ZBTB40: variants seen among roughly 807,000 people sequenced by gnomAD.
ZBTB40 encodes the protein zinc finger and BTB domain containing 40.
Under a neutral mutation model 117.5 loss-of-function variants are expected in ZBTB40, and 60 were observed. That is an observed-to-expected ratio of 0.51 (90% CI 0.41 to 0.63). The LOEUF (loss-of-function observed/expected upper bound fraction) is 0.63, where lower values mean the gene tolerates loss of function less well. Among genes scored for constraint, ZBTB40 ranks in the 30% least tolerant of loss-of-function variants. The pLI, the probability that ZBTB40 is intolerant of heterozygous loss-of-function variation, is 0.00. For missense variants in ZBTB40, 1,287 were observed against 1,498.5 expected, an observed-to-expected ratio of 0.86 and a Z score of 2.33; for synonymous variants, 525 against 577.1, an observed-to-expected ratio of 0.91 and a Z score of 1.29.
chr1:22,443,515 G>A (rs907818662), intron 1 of ZBTB40, among the ~76,000 whole-genome samples: 1 of 152,230 alleles, frequency 6.6e-6, no homozygotes. Context: ...AGAAATGCTT[G>A]AGTTAAGATA....
intron 2 of ZBTB40, among the ~76,000 whole-genome samples, 187 bp from the exon 3 acceptor site, chr1:22,491,213 C>G (rs1638622168): frequency 1.3e-5 from 2 of 152,156 alleles, no homozygotes; most frequent in African/African-American, 4.8e-5. Context: ...GCTATTTTAA[C>G]CAGGCTGAGG....
chr1:22,430,117 A>G (rs576697534), intron 1 of ZBTB40, among the ~76,000 whole-genome samples: 1 of 152,370 alleles, frequency 6.6e-6, no homozygotes, highest in Admixed American at 6.5e-5. Context: ...ATCTATTAAA[A>G]CATTGTAATT....
In ZBTB40 at chr1:22,508,015, G is replaced by A. The variant is rs751677193; in HGVS notation, c.1375G>A (p.Asp459Asn). The change falls in exon 7 of 18, where the codon GAT (aspartate) becomes AAT (asparagine). Residue 459 changes from aspartate (D) to asparagine (N), a missense_variant. Asp to Asn is a conservative substitution (Grantham distance 23). This residue lies in a region of ZBTB40 where 870 missense variants were observed against 934.4 expected (regional missense o/e 0.93). Transcript: ENST00000375647. Reference protein sequence around the residue: ...LPSTTVQPSPDDYGTELLRRY... With the variant: ...LPSTTVQPSPNDYGTELLRRY... ...TATCCTTACAGTCCAACCAAGCCCTGATGATTATGGGACTGAGCTATTGAG... is the reference window on the plus strand; with the variant it reads ...TATCCTTACAGTCCAACCAAGCCCTAATGATTATGGGACTGAGCTATTGAG... The A allele has an allele frequency of 1.9e-6, 3 of 1,614,002 alleles. No individual in the cohort carries two copies. Among genetic ancestry groups the A allele is most frequent in the Non-Finnish European group, 2.5e-6 (3 of 1,180,050 alleles).
intron 3 of ZBTB40, among the ~76,000 whole-genome samples, chr1:22,492,818 C>T (rs115505107): frequency 6.6e-6 from 1 of 152,316 alleles, no homozygotes; most frequent in African/African-American, 2.4e-5. Context: ...ACTCTTTGTA[C>T]TGATTATGCT....
chr1:22,522,164 A>G (rs1267052937), intron 15 of ZBTB40, among the ~76,000 whole-genome samples: 3 of 152,172 alleles, frequency 2.0e-5, no homozygotes, highest in African/African-American at 7.2e-5. Flanking sequence ...CATTCTCACA[A>G]CATCCCTCTG....
chr1:22,529,373 G>T lies in ZBTB40; in HGVS notation c.*2977G>T, dbSNP rs2235884. 6.6e-6 allele frequency: 1 copy of T among 152,324 alleles called. No individual in the cohort carries two copies. The highest frequency in any genetic ancestry group is 1.5e-5 in the Non-Finnish European group (1 of 68,122). The allele number at this position is 152,324 out of a possible 1,614,324, so 9.4% of individuals were successfully genotyped here. ...TGGAACACATGGATCTGTTCGGTGGGTCCCCAGACCTCTGCTCCCAGAGCT... is the reference window on the plus strand; with the variant it reads ...TGGAACACATGGATCTGTTCGGTGGTTCCCCAGACCTCTGCTCCCAGAGCT... On this transcript the variant is annotated 3_prime_UTR_variant, in exon 18 of 18. Transcript: ENST00000375647.
chr1:22,489,080 G>C (rs1638552229), intron 1 of ZBTB40, among the ~76,000 whole-genome samples: 1 of 152,206 alleles, frequency 6.6e-6, no homozygotes, highest in Non-Finnish European at 1.5e-5. Flanking sequence ...TGGCAGGAGA[G>C]TTTTGGATAT....
intron 1 of ZBTB40, among the ~76,000 whole-genome samples, chr1:22,465,437 T>C (rs1436030079): frequency 6.6e-6 from 1 of 151,878 alleles, no homozygotes; most frequent in Non-Finnish European, 1.5e-5. Flanking sequence ...GGCCCATGGG[T>C]GGCCATGGGC....
intron 1 of ZBTB40, among the ~76,000 whole-genome samples, chr1:22,444,169 T>G (rs1640763059): frequency 6.6e-6 from 1 of 152,148 alleles, no homozygotes; most frequent in Non-Finnish European, 1.5e-5. Context: ...TCCCAGCACT[T>G]TGGGAGGCCA....
At chr1:22,501,456 C>T (rs370127799) in intron 3 of ZBTB40, 36 bp from the exon 4 acceptor site, 170 of 1,611,444 alleles carry the variant, frequency 1.1e-4, no homozygotes, top group Middle Eastern at 1.7e-4. Flanking sequence ...TCTTGTGGTT[C>T]GCTAATCTAT....
chr1:22,435,470 ATCTC>A (rs144016060), intron 1 of ZBTB40, among the ~76,000 whole-genome samples: 3 of 149,574 alleles, frequency 2.0e-5, no homozygotes, highest in Non-Finnish European at 3.0e-5. Context: ...CTTCCCCCAC[ATCTC>A]TCTCTCTCTC....
chr1:22,500,029 A>G lies in ZBTB40; in HGVS notation c.832-1463A>G, dbSNP rs540862436. ...TATAATCTTGACACTAAAAAACATC[A>G]AAGGTAGATTGTAGTTTTGTCAAGT... On this transcript the variant is annotated intron_variant, in intron 3 of 17. Coordinates refer to ENST00000375647, the MANE Select transcript of ZBTB40 (RefSeq NM_014870.4). Among the ~76,000 whole-genome samples the G allele has an allele frequency of 7.5e-4, 114 of 152,332 alleles. 1 individual carries two copies. Among genetic ancestry groups the G allele is most frequent in the African/African-American group, 2.6e-3 (110 of 41,572 alleles).
Position 22,513,399 on chromosome 1 carries a change from T to C in ZBTB40, c.2668+269T>C, listed in dbSNP as rs757645085. On this transcript the variant is annotated intron_variant, in intron 12 of 17. Transcript: ENST00000375647. The surrounding 1 kb of genome is among the most constrained non-coding windows in gnomAD (Gnocchi z 4.9). The stretch of plus-strand genomic sequence containing the variant: ...TGCATGCCTGCAGCACAACATCACA[T>C]GTACCTTGTGAATATATACACCTAC... Among the ~76,000 whole-genome samples the C allele has an allele frequency of 2.6e-5, 4 of 152,028 alleles. No individual in the cohort carries two copies. Among genetic ancestry groups the C allele is most frequent in the African/African-American group, 7.2e-5 (3 of 41,400 alleles).
At chr1:22,522,490 A>C (rs768113598) in intron 16 of ZBTB40, 27 bp downstream of exon 16, 2 of 1,611,528 alleles carry the variant, frequency 1.2e-6, no homozygotes, top group Non-Finnish European at 1.7e-6. Context: ...GCATACTTCT[A>C]GGCTAGACTC....
chr1:22,481,781 T>C (rs2124418888), intron 1 of ZBTB40, among the ~76,000 whole-genome samples: 1 of 131,738 alleles, frequency 7.6e-6, no homozygotes, highest in East Asian at 2.1e-4. Context: ...TTATGTCTTG[T>C]TTTACCAAAA....
chr1:22,524,357 C>T lies in ZBTB40; in HGVS notation c.3438C>T (p.Ser1146=), dbSNP rs1314341343. ...AGCTCTGTGGGGAACTCTTCACCTC[C>T]CAGGCCCAGCTTGACAGTCACCTGG... The part of the protein sequence containing the change: ...PCELCGELFT[S]QAQLDSHLES... Residue 1146 remains serine (S), a synonymous_variant, in exon 17 of 18, where the codon TCC becomes TCT. Coordinates refer to ENST00000375647, the MANE Select transcript of ZBTB40 (RefSeq NM_014870.4). 1.2e-5 allele frequency: 20 copies of T among 1,614,068 alleles called. No individual in the cohort carries two copies. Among genetic ancestry groups the T allele is most frequent in the Non-Finnish European group, 1.5e-5 (18 of 1,180,054 alleles).
chr1:22,437,333 C>T (rs1260570224), intron 1 of ZBTB40, among the ~76,000 whole-genome samples: 1 of 151,984 alleles, frequency 6.6e-6, no homozygotes, highest in Non-Finnish European at 1.5e-5. Context: ...GACATAAAAA[C>T]TCCAGGGAAC....
intron 3 of ZBTB40, among the ~76,000 whole-genome samples, chr1:22,499,674 A>G (rs1472394568): frequency 6.6e-6 from 1 of 152,186 alleles, no homozygotes; most frequent in African/African-American, 2.4e-5. Context: ...ACTTTTGGAG[A>G]TGACTGAAAA....
rs376381041 is a variant in ZBTB40 at position 22,518,118 on chromosome 1, C to T, written c.2833+654C>T. 3.9e-5 allele frequency among the ~76,000 whole-genome samples: 6 copies of T among 152,278 alleles called. No homozygotes were observed. In the East Asian group the frequency reaches 5.8e-4, roughly 15 times the overall value. On this transcript the variant is annotated intron_variant, in intron 13 of 17. Coordinates refer to ENST00000375647, the MANE Select transcript of ZBTB40 (RefSeq NM_014870.4). ...CATTACACCATCGGGAAATCACCAGCGTGGCATTTGGCTGGCCACATCACA... is the reference window on the plus strand; with the variant it reads ...CATTACACCATCGGGAAATCACCAGTGTGGCATTTGGCTGGCCACATCACA...
Sources: allele counts gnomAD v4.1 joint callset (sites outside exome capture counted in the v4.1 genomes callset), GRCh38; gene constraint gnomAD v4.1.1; regional missense constraint gnomAD v4.1.1; non-coding constraint Gnocchi (gnomAD v3.1); transcripts MANE v1.5; gene names NCBI Gene and HGNC (gene_info 2026-07-23, HGNC 2026-07-21).